Variants in CFAP57 observed in about 807,000 individuals in gnomAD.
CFAP57 encodes cilia and flagella associated protein 57.
Under a neutral mutation model 146.8 loss-of-function variants are expected in CFAP57, and 116 were observed. The ratio of observed to expected loss-of-function variants is 0.79; its 90% CI spans 0.68 to 0.92. The LOEUF (loss-of-function observed/expected upper bound fraction) is 0.92, where lower values mean the gene tolerates loss of function less well. Ranked by LOEUF, CFAP57 falls within the 40% of genes least tolerant of loss-of-function variation. The pLI, the probability that CFAP57 is intolerant of heterozygous loss-of-function variation, is 0.00. For missense variants in CFAP57, 1,377 were observed against 1,527.2 expected (o/e 0.90, Z 1.64); for synonymous variants, 518 against 552.8 (o/e 0.94, Z 0.88).
chr1:43,186,217 G>A (rs1349126262), intron 5 of CFAP57, among the ~76,000 whole-genome samples: 2 of 152,098 alleles, frequency 1.3e-5, no homozygotes, highest in Admixed American at 6.5e-5. Context: ...ATTCCAGTCT[G>A]GGTGACAGAG....
intron 22 of CFAP57, among the ~76,000 whole-genome samples, chr1:43,248,149 A>C (rs1237431460): frequency 6.6e-6 from 1 of 151,118 alleles, no homozygotes. Context: ...AAAAAAAAAA[A>C]AAAAAAAAAA....
chr1:43,172,505 A>G (rs1345147514), intron 1 of CFAP57, 52 bp downstream of exon 1: 23 of 1,467,520 alleles, frequency 1.6e-5, no homozygotes, highest in Non-Finnish European at 1.9e-5. Flanking sequence ...CAGTGAGGGT[A>G]CAAAGGAAAA....
At chr1:43,249,084 C>T (rs1192203218) in intron 22 of CFAP57, among the ~76,000 whole-genome samples, 15 of 138,700 alleles carry the variant, frequency 1.1e-4, no homozygotes, top group African/African-American at 1.9e-4. Flanking sequence ...TTAGTAGAGA[C>T]GAGGTTTCAC....
chr1:43,251,250 G>T (rs1046000736), intron 22 of CFAP57, among the ~76,000 whole-genome samples: 1 of 152,236 alleles, frequency 6.6e-6, no homozygotes. Context: ...CAAGGAAGAA[G>T]GCTTTAATCA....
rs145731789 is a variant in CFAP57 at position 43,183,710 on chromosome 1, A to C, written c.594A>C (p.Gln198His). The C allele has an allele frequency of 6.2e-7, 1 of 1,614,250 alleles. No homozygotes were observed. The highest frequency in any genetic ancestry group is 1.7e-5 in the Admixed American group (1 of 60,028). The change falls in exon 4 of 23, where the codon CAA (glutamine) becomes CAC (histidine). Residue 198 changes from glutamine to histidine, a missense_variant. Coordinates refer to ENST00000372492, the MANE Select transcript of CFAP57 (RefSeq NM_001378189.1). ...KQTSFQRGEP[Q>H]NYLAHTWVAD... ...CCAGCTTTCAGAGGGGAGAACCCCA[A>C]AACTATCTAGCTCACACCTGGGTGG...
At chr1:43,242,531 A>G (rs1162616298) in intron 21 of CFAP57, among the ~76,000 whole-genome samples, 1 of 152,210 alleles carries the variant, frequency 6.6e-6, no homozygotes, top group Non-Finnish European at 1.5e-5. Flanking sequence ...GATGCAGCAG[A>G]TGTTAATTAT....
chr1:43,223,527 T>G (rs1387946253), intron 16 of CFAP57, among the ~76,000 whole-genome samples: 1 of 152,186 alleles, frequency 6.6e-6, no homozygotes, highest in Non-Finnish European at 1.5e-5. Context: ...GAGGGAGGAT[T>G]CAACTCAGTT....
At position 43,185,369 on chromosome 1, in the gene CFAP57, GAAA is replaced by G. The variant is rs570808727; in HGVS notation, c.969+19_969+21del. ...CAGAGAAATCAGGGTAAGGCGGGAA[GAAA>G]AAAAAGAAGTAAAATGGGGGTCCTA... On this transcript the variant is annotated intron_variant, in intron 5 of 22. Coordinates refer to ENST00000372492, the MANE Select transcript of CFAP57 (RefSeq NM_001378189.1). The G allele has an allele frequency of 6.2e-7, 1 of 1,611,802 alleles. No individual in the cohort carries two copies. Among genetic ancestry groups the G allele is most frequent in the Non-Finnish European group, 8.5e-7 (1 of 1,178,594 alleles).
intron 1 of CFAP57, 111 bp downstream of exon 1, chr1:43,172,564 G>T: frequency 1.3e-6 from 1 of 790,016 alleles, no homozygotes; most frequent in Non-Finnish European, 2.0e-6. Context: ...GAGGACCCCG[G>T]GGGAGGGGAA....
intron 2 of CFAP57, among the ~76,000 whole-genome samples, chr1:43,181,192 C>A (rs1645390875): frequency 6.6e-6 from 1 of 152,200 alleles, no homozygotes; most frequent in African/African-American, 2.4e-5. Context: ...CTGCCTCAGC[C>A]TCCCGAGTAG....
chr1:43,188,539 G>A (rs1643297833), intron 6 of CFAP57, among the ~76,000 whole-genome samples: 1 of 152,080 alleles, frequency 6.6e-6, no homozygotes, highest in South Asian at 2.1e-4. Context: ...AATGATGAAC[G>A]TCTTTTCAAG....
intron 18 of CFAP57, among the ~76,000 whole-genome samples, 185 bp downstream of exon 18, chr1:43,227,311 G>A (rs1041294898): frequency 3.3e-5 from 5 of 152,342 alleles, no homozygotes; most frequent in Non-Finnish European, 5.9e-5. Flanking sequence ...AGGCTCAGCT[G>A]ACCGAAAGCA....
intron 13 of CFAP57, among the ~76,000 whole-genome samples, chr1:43,220,186 T>TACAA (rs996501975): frequency 5.9e-5 from 9 of 152,344 alleles, no homozygotes; most frequent in African/African-American, 2.2e-4. Flanking sequence ...ATACTTTTTG[T>TACAA]AATTTCCAAA....
At chr1:43,235,086 C>T (rs1645635864) in intron 21 of CFAP57, among the ~76,000 whole-genome samples, 1 of 152,120 alleles carries the variant, frequency 6.6e-6, no homozygotes, top group African/African-American at 2.4e-5. Flanking sequence ...TGTTTTGCTC[C>T]TTTGTATTCT....
intron 13 of CFAP57, among the ~76,000 whole-genome samples, chr1:43,220,674 T>C (rs1467078889): frequency 6.6e-6 from 1 of 152,104 alleles, no homozygotes; most frequent in East Asian, 1.9e-4. Flanking sequence ...TAGTGAGTCA[T>C]GATCTCTGCA....
intron 21 of CFAP57, among the ~76,000 whole-genome samples, chr1:43,236,913 C>A (rs59443542): frequency 0.23 from 32,849 of 145,812 alleles, 5,472 homozygotes; most frequent in African/African-American, 0.47. Context: ...CATCCCCCCC[C>A]AAAAAAAAAA....
intron 6 of CFAP57, among the ~76,000 whole-genome samples, chr1:43,193,008 T>C (rs1044360358): frequency 6.6e-6 from 1 of 152,266 alleles, no homozygotes; most frequent in South Asian, 2.1e-4. Flanking sequence ...TTCCCCTTCA[T>C]TCTTGACAAT....
At chr1:43,249,935 G>A (rs1646276159) in intron 22 of CFAP57, among the ~76,000 whole-genome samples, 1 of 152,086 alleles carries the variant, frequency 6.6e-6, no homozygotes, top group Admixed American at 6.6e-5. Flanking sequence ...AACCTTCTAT[G>A]CCAAACACTG....
chr1:43,244,154 T>A (rs868134851), intron 22 of CFAP57, among the ~76,000 whole-genome samples: 64 of 152,232 alleles, frequency 4.2e-4, no homozygotes, highest in African/African-American at 1.5e-3. Flanking sequence ...CCACTCCTTA[T>A]CTGGACAATC....
Sources: allele counts gnomAD v4.1 joint callset (sites outside exome capture counted in the v4.1 genomes callset), GRCh38; gene constraint gnomAD v4.1.1; transcripts MANE v1.5; gene names NCBI Gene and HGNC (gene_info 2026-07-23, HGNC 2026-07-21).